The following ADH1A variants were observed in gnomAD, a reference collection of about 807,000 sequenced individuals.
ADH1A encodes the protein alcohol dehydrogenase 1A.
A neutral mutation model predicts 35.2 loss-of-function variants in ADH1A; 29 were observed. The ratio of observed to expected loss-of-function variants is 0.82; its 90% CI spans 0.61 to 1.12. The LOEUF (loss-of-function observed/expected upper bound fraction) is 1.12. Among genes scored for constraint, ADH1A ranks in the 50% most tolerant of loss-of-function variants. The pLI is 0.00. For synonymous variants in ADH1A, 147 were observed against 164.8 expected, an observed-to-expected ratio of 0.89 and a Z score of 0.83; for missense variants, 469 against 464.7, an observed-to-expected ratio of 1.01 and a Z score of -0.09.
At chr4:99,282,311 G>C (rs776420855) in intron 6 of ADH1A, 35 bp downstream of exon 6, 2 of 1,614,160 alleles carry the variant, frequency 1.2e-6, no homozygotes, top group African/African-American at 2.7e-5. Context: ...CCAAGTTGTA[G>C]AGGCAGAAAT....
intron 6 of ADH1A, chr4:99,282,085 T>TA (rs1733019707): frequency 1.8e-6 from 1 of 547,034 alleles, no homozygotes; most frequent in African/African-American, 1.9e-5. Context: ...ATTAACAAAG[T>TA]AATCTATTAT....
At chr4:99,285,725 T>A (rs1302168601) in intron 3 of ADH1A, among the ~76,000 whole-genome samples, 4 of 152,156 alleles carry the variant, frequency 2.6e-5, no homozygotes, top group Non-Finnish European at 5.9e-5. Context: ...TTTGGTAAAG[T>A]GGCAGGTCCA....
chr4:99,280,215 T>A lies in ADH1A; in HGVS notation c.893A>T (p.Asp298Val). ...GTSVIVGVPP[D>V]SQNLSMNPML... ...AGGGTTCATTGAGAGGTTTTGGGAATCAGGAGGTACCCCTACGATGACACT... is the reference window on the plus strand; with the variant it reads ...AGGGTTCATTGAGAGGTTTTGGGAAACAGGAGGTACCCCTACGATGACACT... Residue 298 changes from aspartate to valine, a missense_variant, in exon 7 of 9, where the codon GAT becomes GTT. Physicochemically the swap from Asp to Val is radical, Grantham distance 152 (BLOSUM62 -3). Transcript: ENST00000209668. The A allele has an allele frequency of 6.2e-7, 1 of 1,613,792 alleles. No homozygotes were observed. Among genetic ancestry groups the A allele is most frequent in the Non-Finnish European group, 8.5e-7 (1 of 1,179,852 alleles).
intron 7 of ADH1A, 69 bp downstream of exon 7, chr4:99,280,061 TTTCAAAACCTTGCC>T: frequency 6.4e-7 from 1 of 1,573,702 alleles, no homozygotes; most frequent in Non-Finnish European, 8.7e-7. Flanking sequence ...TTGATCTGCT[TTTCAAAACCTTGCC>T]TTGTCACTTG....
rs1402646876 is a variant in ADH1A, at chr4:99,284,433, G to A, written c.533C>T (p.Ser178Leu). 2 of 1,614,136 alleles carry A rather than the reference G, an allele frequency of 1.2e-6. No homozygotes were observed. Among genetic ancestry groups the A allele is most frequent in the Non-Finnish European group, 1.7e-6 (2 of 1,180,034 alleles). The change falls in exon 5 of 9, where the codon TCA (serine) becomes TTA (leucine). Residue 178 changes from serine (S) to leucine (L), a missense_variant. Coordinates refer to ENST00000209668, the MANE Select transcript of ADH1A (RefSeq NM_000667.4). ...EKVCLIGCGFSTGYGSAVNVA... is the reference protein window; with the variant it reads ...EKVCLIGCGFLTGYGSAVNVA... ...ATTGACTGCAGACCCATAACCAGTT[G>A]AAAATCCACAGCCAATGAGACAGAC...
chr4:99,285,728 C>T (rs1733134454), intron 3 of ADH1A, among the ~76,000 whole-genome samples: 1 of 152,036 alleles, frequency 6.6e-6, no homozygotes, highest in Non-Finnish European at 1.5e-5. Flanking sequence ...GGTAAAGTGG[C>T]AGGTCCAATC....
intron 8 of ADH1A, 107 bp from the exon 9 acceptor site, chr4:99,276,755 A>C (rs1233266381): frequency 1.9e-6 from 2 of 1,051,502 alleles, no homozygotes; most frequent in Non-Finnish European, 3.0e-6. Flanking sequence ...GTTCTCAGCC[A>C]CTCTAATCCC....
chr4:99,279,416 A>T lies in ADH1A; in HGVS notation c.1103+10T>A, dbSNP rs1270918804. On this transcript the variant is annotated intron_variant, in intron 8 of 8. Coordinates refer to ENST00000209668, the MANE Select transcript of ADH1A (RefSeq NM_000667.4). ...AAAAAGCAAAACAGAAAACTAACTA[A>T]AAAATCTACCTTTTCCCAGAGTGAA... The T allele has an allele frequency of 3.2e-6, 5 of 1,584,724 alleles. No homozygotes were observed. In the African/African-American group the frequency reaches 5.5e-5, roughly 17 times the overall value.
At chr4:99,280,033 A>C in intron 7 of ADH1A, 111 bp downstream of exon 7, 1 of 1,477,858 alleles carries the variant, frequency 6.8e-7, no homozygotes, top group South Asian at 1.1e-5. Flanking sequence ...TAGATAGAAA[A>C]GGAATTTTAA....
At chr4:99,290,841 T>C (rs1733270840) in intron 1 of ADH1A, 56 bp downstream of exon 1, 12 of 1,536,208 alleles carry the variant, frequency 7.8e-6, no homozygotes, top group Non-Finnish European at 1.1e-5. Flanking sequence ...ACTGTATTAC[T>C]TTCTTTGTTA....
chr4:99,285,587 TTAG>T (rs1385746110), intron 3 of ADH1A, among the ~76,000 whole-genome samples: 1 of 152,154 alleles, frequency 6.6e-6, no homozygotes, highest in Non-Finnish European at 1.5e-5. Flanking sequence ...GTAGTTATTA[TTAG>T]TAGTTTAGTA....
At chr4:99,288,427 A>C (rs1208705826) in intron 1 of ADH1A, among the ~76,000 whole-genome samples, 1 of 152,128 alleles carries the variant, frequency 6.6e-6, no homozygotes, top group Non-Finnish European at 1.5e-5. Flanking sequence ...GTGTGTTTGA[A>C]TTTCTAGCTA....
Position 99,286,975 on chromosome 4 carries a change from C to G in ADH1A, c.134G>C (p.Gly45Ala). Residue 45 changes from glycine (G) to alanine (A), a missense_variant, in exon 3 of 9, where the codon GGA becomes GCA. Coordinates refer to ENST00000209668, the MANE Select transcript of ADH1A (RefSeq NM_000667.4). ...CACGTGGTCATCTGTGCCACAGATT[C>G]CTACAGCCACCATCTACAGAGTGAA... ...HEVRIKMVAV[G>A]ICGTDDHVVS... The G allele has an allele frequency of 6.2e-7, 1 of 1,613,944 alleles. No homozygotes were observed. The highest frequency in any genetic ancestry group is 1.6e-4 in the Middle Eastern group (1 of 6,062).
chr4:99,286,891 A>C lies in ADH1A; in HGVS notation c.218T>G (p.Ile73Ser), dbSNP rs1348178037. The change falls in exon 3 of 9, where the codon ATC becomes AGC. Residue 73 changes from isoleucine (I) to serine (S), a missense_variant. Ile to Ser is a moderately radical substitution (Grantham distance 142, BLOSUM62 -2). Coordinates refer to ENST00000209668, the MANE Select transcript of ADH1A (RefSeq NM_000667.4). ...PVILGHEAAG[I>S]VESVGEGVTT... is the part of the protein sequence containing the mutation. ...CACCCCTTCTCCAACACTCTCCACG[A>C]TGCCGGCTGCCTCATGGCCTAAAAT... 2.5e-6 allele frequency: 4 copies of C among 1,614,172 alleles called. No homozygotes were observed. The South Asian group carries it at 4.4e-5, about 18-fold the overall frequency.
chr4:99,285,080 C>T (rs983785136), intron 3 of ADH1A, among the ~76,000 whole-genome samples: 2 of 152,162 alleles, frequency 1.3e-5, no homozygotes, highest in African/African-American at 4.8e-5. Context: ...CAGTTACTTT[C>T]ATGTGGTGTA....
Position 99,282,510 on chromosome 4 carries a change from C to T in ADH1A, c.664G>A (p.Ala222Thr), listed in dbSNP as rs745823244. ...CKAAGAARIIAVDINKDKFAK... is the reference protein window; with the variant it reads ...CKAAGAARIITVDINKDKFAK... Reference sequence around the variant, plus strand: ...AATTTGTCCTTGTTGATGTCCACCGCAATGATTCTGGCTGCCCCAGCTGCT... The same window carrying T: ...AATTTGTCCTTGTTGATGTCCACCGTAATGATTCTGGCTGCCCCAGCTGCT... Residue 222 changes from alanine (A) to threonine (T), a missense_variant, in exon 6 of 9, where the codon GCG (alanine) becomes ACG (threonine). Ala to Thr is a moderately conservative substitution (Grantham distance 58, BLOSUM62 0). Coordinates refer to ENST00000209668, the MANE Select transcript of ADH1A (RefSeq NM_000667.4). The T allele has an allele frequency of 2.9e-5, 47 of 1,614,082 alleles. No individual in the cohort carries two copies. The highest frequency in any genetic ancestry group is 3.6e-5 in the Non-Finnish European group (43 of 1,180,054).
chr4:99,287,468 TA>T, intron 2 of ADH1A, 95 bp downstream of exon 2: 2 of 1,207,058 alleles, frequency 1.7e-6, no homozygotes, highest in Non-Finnish European at 2.3e-6. Flanking sequence ...AAGTATATTC[TA>T]TTTTCTGGAT....
chr4:99,285,896 C>A (rs1231932753), intron 3 of ADH1A, among the ~76,000 whole-genome samples: 1 of 151,742 alleles, frequency 6.6e-6, no homozygotes, highest in African/African-American at 2.4e-5. Context: ...GTGGCGGGCA[C>A]CTGTGGCCCC....
chr4:99,287,860 A>G (rs992862867), intron 1 of ADH1A, among the ~76,000 whole-genome samples, 195 bp from the exon 2 acceptor site: 2 of 152,254 alleles, frequency 1.3e-5, no homozygotes, highest in African/African-American at 4.8e-5. Context: ...GGAAAGATAA[A>G]CAGTTAACTA....
Sources: allele counts gnomAD v4.1 joint callset (sites outside exome capture counted in the v4.1 genomes callset), GRCh38; gene constraint gnomAD v4.1.1; transcripts MANE v1.5; gene names NCBI Gene and HGNC (gene_info 2026-07-23, HGNC 2026-07-21).